Variants in USPL1 observed in about 807,000 individuals in gnomAD.
The protein encoded by USPL1 is SUMO-specific isopeptidase USPL1.
USPL1 carries 27 observed loss-of-function variants against 51.5 expected under a neutral mutation model. The observed-to-expected ratio is 0.52, with a 90% confidence interval of 0.39 to 0.72. The LOEUF (loss-of-function observed/expected upper bound fraction) is 0.72, where lower values mean the gene tolerates loss of function less well. Among genes scored for constraint, USPL1 ranks in the 30% least tolerant of loss-of-function variants. The probability of loss-of-function intolerance (pLI) is 0.00; values close to 1 mark genes in which losing one functional copy is unlikely to be tolerated. For missense variants in USPL1, 1,226 were observed against 1,268.0 expected (o/e 0.97, Z 0.50); for synonymous variants, 451 against 459.6 (o/e 0.98, Z 0.24).
chr13:30,659,316 A>ACCT lies in USPL1; in HGVS notation c.3240_3242dup (p.Leu1081dup). 8 of 1,606,562 alleles carry ACCT rather than the reference A, an allele frequency of 5.0e-6. No individual in the cohort carries two copies. The highest frequency in any genetic ancestry group is 6.0e-6 in the Non-Finnish European group (7 of 1,175,352). On this transcript the variant is annotated inframe_insertion, in exon 9 of 9. Coordinates refer to ENST00000255304, the MANE Select transcript of USPL1 (RefSeq NM_005800.5). ...AATGCTTTAGCAAATGACACATTAGACCTACCTCATTTCGATGAATATCTG... is the reference window on the plus strand; with the variant it reads ...AATGCTTTAGCAAATGACACATTAGACCTCCTACCTCATTTCGATGAATATCTG...
Position 30,658,033 on chromosome 13 carries a change from A to C in USPL1, c.1956A>C (p.Ile652=). 6.2e-7 allele frequency: 1 copy of C among 1,613,248 alleles called. No homozygotes were observed. The highest frequency in any genetic ancestry group is 8.5e-7 in the Non-Finnish European group (1 of 1,179,932). The change falls in exon 9 of 9, where the codon ATA becomes ATC. Residue 652 remains isoleucine (I), a synonymous_variant. Transcript: ENST00000255304. ...TTATTCAAGACCAATTTGTGGACATAAGTTTTCCATCCCAAGTTGTAAATA... is the reference window on the plus strand; with the variant it reads ...TTATTCAAGACCAATTTGTGGACATCAGTTTTCCATCCCAAGTTGTAAATA... ...EKLIQDQFVD[I]SFPSQVVNTN...
chr13:30,626,123 C>A (rs1485940178), intron 3 of USPL1, among the ~76,000 whole-genome samples: 2 of 152,076 alleles, frequency 1.3e-5, no homozygotes, highest in African/African-American at 4.8e-5. Context: ...CGAGACCAGC[C>A]TGGCCAACAT....
In USPL1 at chr13:30,658,687, T is replaced by C; in HGVS notation, c.2610T>C (p.Asn870=). ...GAQLNHSSYG[N]GISSANHEDL... Reference sequence around the variant, plus strand: ...AACTCAACCACAGTTCTTATGGGAATGGTATTTCTTCAGCAAACCATGAAG... The same window carrying C: ...AACTCAACCACAGTTCTTATGGGAACGGTATTTCTTCAGCAAACCATGAAG... The change falls in exon 9 of 9, where the codon AAT becomes AAC. Residue 870 remains asparagine, a synonymous_variant. Coordinates refer to ENST00000255304, the MANE Select transcript of USPL1 (RefSeq NM_005800.5). 3.1e-6 allele frequency: 5 copies of C among 1,614,218 alleles called. No individual in the cohort carries two copies. The highest frequency in any genetic ancestry group is 4.2e-6 in the Non-Finnish European group (5 of 1,180,034).
At chr13:30,628,113 C>G (rs1452424363) in intron 3 of USPL1, among the ~76,000 whole-genome samples, 2 of 143,320 alleles carry the variant, frequency 1.4e-5, no homozygotes, top group African/African-American at 5.2e-5. Context: ...CCAGGCTGGT[C>G]TCGAACTCCT....
rs202119827 is a variant in USPL1, at chr13:30,628,043, A to ATT, written c.229-2770_229-2769dup. The stretch of plus-strand genomic sequence containing the variant: ...AGGGGTGCACCACCATGCCTGGCTA[A>ATT]TTTTTTTTTTTTTTTTTTTTTTTGT... On this transcript the variant is annotated intron_variant, in intron 3 of 8. Coordinates refer to ENST00000255304, the MANE Select transcript of USPL1 (RefSeq NM_005800.5). Among the ~76,000 whole-genome samples, 241 of 126,984 alleles carry ATT rather than the reference A, an allele frequency of 1.9e-3. 2 individuals are homozygous for ATT. Among genetic ancestry groups the ATT allele is most frequent in the Admixed American group, 2.6e-3 (32 of 12,200 alleles). 83.3% of individuals were successfully genotyped at this position (126,984 alleles called of 152,430 possible).
At position 30,621,244 on chromosome 13, in the gene USPL1, G is replaced by C; in HGVS notation, c.99+5G>C. 6.4e-7 allele frequency: 1 copy of C among 1,571,712 alleles called. No individual in the cohort carries two copies. Among genetic ancestry groups the C allele is most frequent in the Non-Finnish European group, 8.6e-7 (1 of 1,164,540 alleles). On this transcript the variant is annotated splice_donor_5th_base_variant and intron_variant, in intron 2 of 8. Transcript: ENST00000255304. ...ATGGTGGGGTATTTGGGAAAAGTTA[G>C]TGAACTTATTTTTTGCCTGAGTGCA... is the stretch of plus-strand genomic sequence containing the variant.
Position 30,653,132 on chromosome 13 carries a change from C to T in USPL1, c.1239-16C>T. On this transcript the variant is annotated splice_polypyrimidine_tract_variant and intron_variant, in intron 7 of 8. Coordinates refer to ENST00000255304, the MANE Select transcript of USPL1 (RefSeq NM_005800.5). ...CATTAAATTTATTTAACTTCTCTTG[C>T]TTTTCTCTCCCACAGAGTATCTCCC... 2 of 1,551,746 alleles carry T rather than the reference C, an allele frequency of 1.3e-6. No homozygotes were observed. The highest frequency in any genetic ancestry group is 1.7e-6 in the Non-Finnish European group (2 of 1,143,312).
chr13:30,625,670 T>A (rs750901350), intron 3 of USPL1, among the ~76,000 whole-genome samples: 41 of 152,214 alleles, frequency 2.7e-4, no homozygotes, highest in Non-Finnish European at 4.7e-4. Context: ...CTTGATTTCC[T>A]GACCTCAGGT....
chr13:30,618,427 T>C (rs111904468), intron 1 of USPL1, among the ~76,000 whole-genome samples: 10 of 152,082 alleles, frequency 6.6e-5, no homozygotes, highest in African/African-American at 2.4e-4. Flanking sequence ...TGCAGAAAGC[T>C]GACCCTGTTC....
intron 2 of USPL1, among the ~76,000 whole-genome samples, 154 bp from the exon 3 acceptor site, chr13:30,621,610 A>G (rs1018198516): frequency 6.6e-6 from 1 of 152,094 alleles, no homozygotes; most frequent in Non-Finnish European, 1.5e-5. Context: ...AAAGGCTTAT[A>G]TGCATTTCTT....
At chr13:30,657,172 C>T (rs1009494262) in intron 8 of USPL1, among the ~76,000 whole-genome samples, 3 of 152,072 alleles carry the variant, frequency 2.0e-5, no homozygotes, top group Non-Finnish European at 2.9e-5. Flanking sequence ...AGAATTAAAA[C>T]GAATAGTGAT....
chr13:30,659,133 A>G lies in USPL1; in HGVS notation c.3056A>G (p.His1019Arg), dbSNP rs746736201. 2 of 1,614,242 alleles carry G rather than the reference A, an allele frequency of 1.2e-6. No homozygotes were observed. The highest frequency in any genetic ancestry group is 1.7e-6 in the Non-Finnish European group (2 of 1,180,042). The change falls in exon 9 of 9, where the codon CAT becomes CGT. Residue 1019 changes from histidine (H) to arginine (R), a missense_variant. By Grantham distance (29) the His-to-Arg change is conservative. Transcript: ENST00000255304. Reference protein sequence around the residue: ...SEFNDVSQNTHLRQDHNYCSP... With the variant: ...SEFNDVSQNTRLRQDHNYCSP... ...TTCAATGATGTTTCCCAGAACACAC[A>G]TCTGAGACAGGACCATAATTATTGT...
chr13:30,630,104 G>A (rs1027278064), intron 3 of USPL1, among the ~76,000 whole-genome samples: 76 of 152,114 alleles, frequency 5.0e-4, no homozygotes, highest in African/African-American at 1.8e-3. Context: ...AGCCTCCCAA[G>A]TAGCTGGGAA....
intron 3 of USPL1, among the ~76,000 whole-genome samples, chr13:30,624,964 A>G (rs1275925682): frequency 1.3e-5 from 2 of 152,144 alleles, no homozygotes; most frequent in Non-Finnish European, 2.9e-5. Flanking sequence ...CCCTGAACAC[A>G]CACAGTTTAC....
At chr13:30,619,191 G>C (rs1593354581) in intron 1 of USPL1, among the ~76,000 whole-genome samples, 2 of 152,256 alleles carry the variant, frequency 1.3e-5, no homozygotes, top group African/African-American at 2.4e-5. Context: ...AATCCCCCCC[G>C]GGATTTTGTA....
intron 7 of USPL1, among the ~76,000 whole-genome samples, chr13:30,650,737 G>A (rs1458486652): frequency 1.3e-5 from 2 of 152,098 alleles, no homozygotes; most frequent in East Asian, 1.9e-4. Flanking sequence ...GCTCATGCCT[G>A]TAATCACTTT....
At chr13:30,644,604 C>T (rs1950993568) in intron 6 of USPL1, among the ~76,000 whole-genome samples, 1 of 148,868 alleles carries the variant, frequency 6.7e-6, no homozygotes, top group African/African-American at 2.4e-5. Flanking sequence ...CATCCTGAGA[C>T]AGATGAATGT....
rs145500094 is a variant in USPL1 at position 30,654,528 on chromosome 13, A to G, written c.1396+1223A>G. Among the ~76,000 whole-genome samples the G allele has an allele frequency of 2.0e-5, 3 of 152,060 alleles. No homozygotes were observed. The East Asian group carries it at 5.8e-4, about 29-fold the overall frequency. On this transcript the variant is annotated intron_variant, in intron 8 of 8. Coordinates refer to ENST00000255304, the MANE Select transcript of USPL1 (RefSeq NM_005800.5). ...GACTACAGGCACATGCTATGGCAATACTGTTTTAAACATTGTTTTCAAGGC... is the reference window on the plus strand; with the variant it reads ...GACTACAGGCACATGCTATGGCAATGCTGTTTTAAACATTGTTTTCAAGGC...
Position 30,657,680 on chromosome 13 carries a change from T to C in USPL1, c.1603T>C (p.Ser535Pro). Reference sequence around the variant, plus strand: ...GAAACCAGTATCTTTAACATCGTGTTCTGTGGGTGATGCTGCCTCAGCTGA... The same window carrying C: ...GAAACCAGTATCTTTAACATCGTGTCCTGTGGGTGATGCTGCCTCAGCTGA... ...NEKPVSLTSC[S>P]VGDAASAETA... Residue 535 changes from serine (S) to proline (P), a missense_variant, in exon 9 of 9, where the codon TCT (serine) becomes CCT (proline). Ser to Pro is a moderately conservative substitution (Grantham distance 74, BLOSUM62 -1). Coordinates refer to ENST00000255304, the MANE Select transcript of USPL1 (RefSeq NM_005800.5). 1 of 1,614,142 alleles carries C rather than the reference T, an allele frequency of 6.2e-7. No individual in the cohort carries two copies.
Sources: allele counts gnomAD v4.1 joint callset (sites outside exome capture counted in the v4.1 genomes callset), GRCh38; gene constraint gnomAD v4.1.1; transcripts MANE v1.5; gene names NCBI Gene and HGNC (gene_info 2026-07-23, HGNC 2026-07-21).